The following MTRR variants were observed in gnomAD, a reference collection of about 807,000 sequenced individuals.
MTRR encodes 5-methyltetrahydrofolate-homocysteine methyltransferase reductase.
A neutral mutation model predicts 79.2 loss-of-function variants in MTRR; 63 were observed. The ratio of observed to expected loss-of-function variants is 0.80; its 90% CI spans 0.65 to 0.98. The LOEUF (loss-of-function observed/expected upper bound fraction) is 0.98. MTRR is among the 50% of genes least tolerant of loss of function. MTRR has a pLI of 0.00. For synonymous variants in MTRR, 355 were observed against 313.3 expected (o/e 1.13, Z -1.41); for missense variants, 895 against 839.6 (o/e 1.07, Z -0.82).
chr5:7,868,903 A>G, upstream of MTRR: 1 of 598,278 alleles, frequency 1.7e-6, no homozygotes, highest in South Asian at 1.9e-5. Context: ...CGGGCGGCGC[A>G]GCCTGAGGAG....
chr5:7,890,838 T>G (rs145601468), intron 9 of MTRR, among the ~76,000 whole-genome samples: 1 of 152,132 alleles, frequency 6.6e-6, no homozygotes, highest in African/African-American at 2.4e-5. Context: ...AAATCACTGA[T>G]TTTTTTTGAT....
At chr5:7,870,985 A>G (rs1474031147) in intron 2 of MTRR, 62 bp downstream of exon 2, 115 of 1,599,890 alleles carry the variant, frequency 7.2e-5, no homozygotes, top group Non-Finnish European at 9.4e-5. Context: ...TTGGGAAGTG[A>G]TATTTATGAA....
chr5:7,895,747 C>G lies in MTRR; in HGVS notation c.1571C>G (p.Pro524Arg). The G allele has an allele frequency of 6.2e-7, 1 of 1,614,028 alleles. No homozygotes were observed. Among genetic ancestry groups the G allele is most frequent in the Non-Finnish European group, 8.5e-7 (1 of 1,179,934 alleles). ...KALAPKISIS[P>R]RTTNSFHLPD... The stretch of plus-strand genomic sequence containing the variant: ...GTAATATTTCAGATATCCATCTCTC[C>G]TCGAACAACAAATTCTTTCCACTTA... Residue 524 changes from proline (P) to arginine (R), a missense_variant, in exon 12 of 15, where the codon CCT becomes CGT. Transcript: ENST00000440940.
At chr5:7,855,672 C>T (rs576202960) in intron 1 of MTRR, among the ~76,000 whole-genome samples, 1 of 152,252 alleles carries the variant, frequency 6.6e-6, no homozygotes, top group Non-Finnish European at 1.5e-5. Context: ...AATTCTTATA[C>T]TTTTCTTTCA....
chr5:7,869,389 G>A (rs929330878), intron 1 of MTRR, 174 bp downstream of exon 1: 3 of 685,768 alleles, frequency 4.4e-6, no homozygotes, highest in African/African-American at 1.8e-5. Flanking sequence ...TTGGCCTTTG[G>A]CCTTTGGCTT....
At position 7,869,231 on chromosome 5, in the gene MTRR, GCTACGGTTC is replaced by G. The variant is rs1256780556; in HGVS notation, c.-26+18_-26+26del. On this transcript the variant is annotated intron_variant, in intron 1 of 14. Transcript: ENST00000440940. The stretch of plus-strand genomic sequence containing the variant: ...CGCGGCGTGGGTAAGCTGCCTGTCG[GCTACGGTTC>G]CCGGATTCCGGCCGCTCGCCCTGCA... 2 of 1,603,586 alleles carry G rather than the reference GCTACGGTTC, an allele frequency of 1.2e-6. No homozygotes were observed. Among genetic ancestry groups the G allele is most frequent in the Non-Finnish European group, 1.7e-6 (2 of 1,179,650 alleles).
upstream of MTRR, chr5:7,851,134 G>A: frequency 8.4e-7 from 1 of 1,192,956 alleles, no homozygotes. Context: ...GCCCGCGTCT[G>A]TGTTCGGTCG....
intron 1 of MTRR, chr5:7,861,413 TATTA>T (rs1361456929): frequency 1.7e-6 from 1 of 599,442 alleles, no homozygotes; most frequent in Non-Finnish European, 2.7e-6. Flanking sequence ...ATCTTATTAA[TATTA>T]ATGTTTATAA....
chr5:7,856,151 A>T (rs1368692824), intron 1 of MTRR, among the ~76,000 whole-genome samples: 3 of 152,212 alleles, frequency 2.0e-5, no homozygotes, highest in Admixed American at 2.0e-4. Context: ...TCAAAGGGAA[A>T]AGAAATGTGG....
chr5:7,867,545 G>A (rs775882684), upstream of MTRR: 11 of 1,614,116 alleles, frequency 6.8e-6, no homozygotes, highest in South Asian at 4.4e-5. Context: ...TTGCAAAGCA[G>A]TCACTAAACT....
At position 7,900,061 on chromosome 5, in the gene MTRR, C is replaced by T. The variant is rs1449621369; in HGVS notation, c.*3C>T. On this transcript the variant is annotated 3_prime_UTR_variant, in exon 15 of 15. Coordinates refer to ENST00000440940, the MANE Select transcript of MTRR (RefSeq NM_002454.3). ...ACCTTCAGGATATTTGGTCATAAAA[C>T]CAGAAATTAAAGAAAGAGGATTAAG... The T allele has an allele frequency of 6.2e-7, 1 of 1,612,950 alleles. No individual in the cohort carries two copies. Among genetic ancestry groups the T allele is most frequent in the Non-Finnish European group, 8.5e-7 (1 of 1,179,794 alleles).
At chr5:7,872,106 C>G (rs1056493546) in intron 2 of MTRR, 4 of 280,704 alleles carry the variant, frequency 1.4e-5, no homozygotes, top group Non-Finnish European at 2.8e-5. Flanking sequence ...TTCACATAGT[C>G]CTTTTCAAGG....
At chr5:7,877,333 C>T (rs1330125435) in intron 4 of MTRR, among the ~76,000 whole-genome samples, 1 of 150,878 alleles carries the variant, frequency 6.6e-6, no homozygotes, top group Non-Finnish European at 1.5e-5. Flanking sequence ...AGGAGGGTTG[C>T]TTTTTTTTTC....
intron 5 of MTRR, among the ~76,000 whole-genome samples, chr5:7,882,228 G>C (rs1275030302): frequency 6.6e-6 from 1 of 152,230 alleles, no homozygotes. Flanking sequence ...GAGTTGTCCT[G>C]AGTTGGAACG....
chr5:7,877,812 T>G, intron 4 of MTRR, 132 bp from the exon 5 acceptor site: 1 of 1,224,184 alleles, frequency 8.2e-7, no homozygotes, highest in Non-Finnish European at 1.2e-6. Context: ...ATTTTTTGTA[T>G]TCCGAATGGT....
intron 1 of MTRR, among the ~76,000 whole-genome samples, chr5:7,851,936 C>T (rs1376249809): frequency 6.6e-6 from 1 of 152,216 alleles, no homozygotes; most frequent in Admixed American, 6.5e-5. Flanking sequence ...GCCAGCGTGC[C>T]TGGGAAGGCC....
chr5:7,867,056 T>TATATG (rs749066616), upstream of MTRR: 12 of 1,614,150 alleles, frequency 7.4e-6, no homozygotes, highest in South Asian at 1.2e-4. Context: ...GTGCCCAAAA[T>TATATG]ATATGAACGC....
intron 11 of MTRR, among the ~76,000 whole-genome samples, chr5:7,895,240 G>A (rs1183718517): frequency 6.6e-6 from 1 of 152,142 alleles, no homozygotes; most frequent in African/African-American, 2.4e-5. Context: ...ATAATTCTGG[G>A]TAATATTGGA....
chr5:7,860,092 G>C (rs573401739), intron 1 of MTRR, among the ~76,000 whole-genome samples: 5 of 152,334 alleles, frequency 3.3e-5, no homozygotes, highest in African/African-American at 1.2e-4. Flanking sequence ...CCAACCATTG[G>C]AGGGTCTTGA....
Sources: gnomAD v4.1 joint callset for allele counts (sites outside exome capture counted in the v4.1 genomes callset) on GRCh38, gnomAD v4.1.1 for gene constraint, MANE v1.5 for transcripts, NCBI Gene and HGNC (gene_info 2026-07-23, HGNC 2026-07-21) for gene names.